The following DDX51 variants were observed in gnomAD, a reference collection of about 807,000 sequenced individuals.
DDX51 encodes the protein DEAD-box helicase 51, also known as ATP-dependent RNA helicase DDX51.
A neutral mutation model predicts 74.6 loss-of-function variants in DDX51; 67 were observed. The observed-to-expected ratio is 0.90, with a 90% confidence interval of 0.74 to 1.10. DDX51 has a LOEUF of 1.10. Among genes scored for constraint, DDX51 ranks in the 50% least tolerant of loss-of-function variants. The pLI is 0.00. For synonymous variants in DDX51, 545 were observed against 402.9 expected (o/e 1.35, Z -4.22); for missense variants, 1,056 against 905.2 (o/e 1.17, Z -2.14).
rs1242782541 is a variant in DDX51 at position 132,137,330 on chromosome 12, C to G, written c.*1942G>C. The G allele has an allele frequency of 6.9e-6, 1 of 144,740 alleles. No homozygotes were observed. Among genetic ancestry groups the G allele is most frequent in the Non-Finnish European group, 1.6e-5 (1 of 62,994 alleles). The allele number at this position is 144,740 out of a possible 1,614,324, so 9.0% of individuals were successfully genotyped here. A position where few individuals can be genotyped will look rare whatever the true frequency, so the allele number is the denominator to read the frequency against. On this transcript the variant is annotated 3_prime_UTR_variant, in exon 15 of 15. Transcript: ENST00000397333. Reference sequence around the variant, plus strand: ...CCCGAGCTGTCTCATCTGTGATTCACAGTCTGCTCTTTCTGGCTGCTTGTC... The same window carrying G: ...CCCGAGCTGTCTCATCTGTGATTCAGAGTCTGCTCTTTCTGGCTGCTTGTC...
chr12:132,139,998 C>A, intron 12 of DDX51, 74 bp from the exon 13 acceptor site: 1 of 1,608,596 alleles, frequency 6.2e-7, no homozygotes, highest in Non-Finnish European at 8.5e-7. Flanking sequence ...AGCTTCTCTC[C>A]ACACCAACCC....
At position 132,140,118 on chromosome 12, in the gene DDX51, G is replaced by A; in HGVS notation, c.1755C>T (p.Tyr585=). Residue 585 remains tyrosine, a synonymous_variant, in exon 12 of 15, where the codon TAC becomes TAT. Coordinates refer to ENST00000397333, the MANE Select transcript of DDX51 (RefSeq NM_175066.4). ...CTCACCGGTGCACGTAGGTTCTCAG[G>A]TACTGGGGGGCGTCGTAGTTCACCA... is the stretch of plus-strand genomic sequence containing the variant. ...ELVVNYDAPQ[Y]LRTYVHRVGR... 6.2e-7 allele frequency: 1 copy of A among 1,612,864 alleles called. No individual in the cohort carries two copies. Among genetic ancestry groups the A allele is most frequent in the Non-Finnish European group, 8.5e-7 (1 of 1,179,976 alleles).
Position 132,142,158 on chromosome 12 carries a change from A to T in DDX51, c.849T>A (p.Arg283=). The change falls in exon 5 of 15, where the codon CGT becomes CGA. Residue 283 remains arginine, a synonymous_variant. Transcript: ENST00000397333. Reference sequence around the variant, plus strand: ...CCTTGGTGGGCAGCACAACCAGGGCACGGATGTGGCAGACCACTCTCGAAA... The same window carrying T: ...CCTTGGTGGGCAGCACAACCAGGGCTCGGATGTGGCAGACCACTCTCGAAA... ...ALLSRVVCHI[R]ALVVLPTKEL... 6.4e-7 allele frequency: 1 copy of T among 1,552,768 alleles called. No homozygotes were observed.
At chr12:132,142,220 A>G (rs1347799363) in intron 4 of DDX51, 30 bp from the exon 5 acceptor site, 1 of 1,589,360 alleles carries the variant, frequency 6.3e-7, no homozygotes, top group East Asian at 2.2e-5. Flanking sequence ...TGCGTCAGCA[A>G]GGCTGTTACC....
At chr12:132,143,670 C>G in intron 2 of DDX51, 25 bp downstream of exon 2, 1 of 1,536,508 alleles carries the variant, frequency 6.5e-7, no homozygotes, top group Non-Finnish European at 8.7e-7. Context: ...TCACGCCGAC[C>G]ACCCTCCCGC....
At position 132,141,320 on chromosome 12, in the gene DDX51, C is replaced by T. The variant is rs1356624554; in HGVS notation, c.1205G>A (p.Cys402Tyr). ...GGCCTGCCTTCGCTGGAGCAGGGCA[C>T]AGGGGTCCGCGGGGTCCTCGCTCTG... ...AFQSEDPADPCALLQRRQAQA... is the reference protein window; with the variant it reads ...AFQSEDPADPYALLQRRQAQA... Residue 402 changes from cysteine to tyrosine, a missense_variant, in exon 8 of 15, where the codon TGT becomes TAT. By Grantham distance (194) the Cys-to-Tyr change is radical. Transcript: ENST00000397333. 2 of 1,598,812 alleles carry T rather than the reference C, an allele frequency of 1.3e-6. No homozygotes were observed. The highest frequency in any genetic ancestry group is 2.2e-5 in the East Asian group (1 of 44,878).
chr12:132,139,995 C>A, intron 12 of DDX51, 71 bp from the exon 13 acceptor site: 1 of 1,609,476 alleles, frequency 6.2e-7, no homozygotes, highest in Admixed American at 1.7e-5. Flanking sequence ...GACAGCTTCT[C>A]TCCACACCAA....
At chr12:132,141,117 C>T in intron 8 of DDX51, 97 bp from the exon 9 acceptor site, 1 of 1,503,764 alleles carries the variant, frequency 6.6e-7, no homozygotes, top group Admixed American at 2.2e-5. Context: ...GAGACTGCCG[C>T]AGACCAGGAG....
chr12:132,141,544 TG>T lies in DDX51; in HGVS notation c.1057del (p.His353ThrfsTer16). ...GCTGAATCCTGGGGTCTGGTCGATG[TG>T]GTCCACCAGGCGGCCGGGGGTGGCT... ...VVATPGRLVDHIDQTPGFSLQ... is the reference protein window; with the variant it reads ...VVATPGRLVDXIDQTPGFSLQ... On this transcript the variant is annotated frameshift_variant, in exon 7 of 15. Coordinates refer to ENST00000397333, the MANE Select transcript of DDX51 (RefSeq NM_175066.4). LOFTEE classifies it high-confidence loss of function. 1.2e-6 allele frequency: 2 copies of T among 1,604,552 alleles called. No homozygotes were observed. Among genetic ancestry groups the T allele is most frequent in the Non-Finnish European group, 1.7e-6 (2 of 1,177,798 alleles).
rs1763359517 is a variant in DDX51 at position 132,138,121 on chromosome 12, G to A, written c.*1151C>T. 1.3e-5 allele frequency: 2 copies of A among 152,360 alleles called. No individual in the cohort carries two copies. Among genetic ancestry groups the A allele is most frequent in the Admixed American group, 1.3e-4 (2 of 15,290 alleles). The allele number at this position is 152,360 out of a possible 1,614,324, so 9.4% of individuals were successfully genotyped here. A position where few individuals can be genotyped will look rare whatever the true frequency, so the allele number is the denominator to read the frequency against. On this transcript the variant is annotated 3_prime_UTR_variant, in exon 15 of 15. Coordinates refer to ENST00000397333, the MANE Select transcript of DDX51 (RefSeq NM_175066.4). Reference sequence around the variant, plus strand: ...GCTACTGTGAACAGTGCTGCTGAGAGATTTGTGTACGTTTCTGTGTGGATG... The same window carrying A: ...GCTACTGTGAACAGTGCTGCTGAGAAATTTGTGTACGTTTCTGTGTGGATG...
In DDX51 at chr12:132,141,293, T is replaced by G; in HGVS notation, c.1232A>C (p.Gln411Pro). The G allele has an allele frequency of 6.3e-7, 1 of 1,596,126 alleles. No homozygotes were observed. The highest frequency in any genetic ancestry group is 1.3e-5 in the African/African-American group (1 of 74,954). ...TGGATACCTGGCGGCTGTCACAGCC[T>G]GGGCCTGCCTTCGCTGGAGCAGGGC... ...PCALLQRRQA[Q>P]AVTAASTCCP... Residue 411 changes from glutamine to proline, a missense_variant, in exon 8 of 15, where the codon CAG (glutamine) becomes CCG (proline). Gln to Pro is a moderately conservative substitution (Grantham distance 76, BLOSUM62 -1). Coordinates refer to ENST00000397333, the MANE Select transcript of DDX51 (RefSeq NM_175066.4).
In DDX51 at chr12:132,140,748, C is replaced by A; in HGVS notation, c.1441-13G>T. 1.2e-6 allele frequency: 2 copies of A among 1,613,020 alleles called. No individual in the cohort carries two copies. Among genetic ancestry groups the A allele is most frequent in the Non-Finnish European group, 1.7e-6 (2 of 1,180,002 alleles). ...GCACGTAGTGGTGCTACAGGGACGG[C>A]AGGGGGTCGGGGTGGAGGTGAGGGT... On this transcript the variant is annotated splice_polypyrimidine_tract_variant and intron_variant, in intron 9 of 14. Coordinates refer to ENST00000397333, the MANE Select transcript of DDX51 (RefSeq NM_175066.4).
rs776019599 is a variant in DDX51, at chr12:132,139,626, T to C, written c.1974+9A>G. The C allele has an allele frequency of 6.2e-7, 1 of 1,613,120 alleles. No homozygotes were observed. The highest frequency in any genetic ancestry group is 1.1e-5 in the South Asian group (1 of 91,092). ...CAGAGGGTTTCATGCCGGACTCTGG[T>C]GCCCTTACCTTGACAGACTCCTCCA... On this transcript the variant is annotated intron_variant, in intron 14 of 14. Coordinates refer to ENST00000397333, the MANE Select transcript of DDX51 (RefSeq NM_175066.4).
At position 132,144,165 on chromosome 12, in the gene DDX51, T is replaced by G. The variant is rs1186486562; in HGVS notation, c.132A>C (p.Glu44Asp). The G allele has an allele frequency of 8.5e-7, 1 of 1,176,478 alleles. No individual in the cohort carries two copies. The highest frequency in any genetic ancestry group is 1.6e-5 in the African/African-American group (1 of 62,022). The allele number at this position is 1,176,478 out of a possible 1,614,324, so 72.9% of individuals were successfully genotyped here. Residue 44 changes from glutamate to aspartate, a missense_variant, in exon 1 of 15, where the codon GAA (glutamate) becomes GAC (aspartate). Glu to Asp is a conservative substitution (Grantham distance 45). Coordinates refer to ENST00000397333, the MANE Select transcript of DDX51 (RefSeq NM_175066.4). The part of the protein sequence containing the change: ...LLERLQSRAR[E>D]RQQQREPAQT... ...GCGCGGGCTCCCGCTGCTGCTGCCG[T>G]TCGCGGGCCCGGCTCTGCAGCCGCT...
At chr12:132,141,125 G>A (rs1421404287) in intron 8 of DDX51, 105 bp from the exon 9 acceptor site, 12 of 1,498,416 alleles carry the variant, frequency 8.0e-6, no homozygotes, top group East Asian at 6.8e-5. Flanking sequence ...CGCAGACCAG[G>A]AGCAAGGTGG....
In DDX51 at chr12:132,138,507, A is replaced by G. The variant is rs1158416513; in HGVS notation, c.*765T>C. ...GTTTTTTTTTTTTTTTTGTATTTTT[A>G]GTAGAGACGGGGTTTCACCATGTTA... On this transcript the variant is annotated 3_prime_UTR_variant, in exon 15 of 15. Transcript: ENST00000397333. The G allele has an allele frequency of 2.8e-5, 3 of 105,650 alleles. No homozygotes were observed. Among genetic ancestry groups the G allele is most frequent in the African/African-American group, 1.0e-4 (3 of 29,236 alleles). 6.5% of individuals were successfully genotyped at this position (105,650 alleles called of 1,614,324 possible).
rs751994361 is a variant in DDX51, at chr12:132,140,605, C to G, written c.1556+15G>C. 6.2e-7 allele frequency: 1 copy of G among 1,612,748 alleles called. No individual in the cohort carries two copies. The highest frequency in any genetic ancestry group is 1.7e-5 in the Admixed American group (1 of 60,032). On this transcript the variant is annotated intron_variant, in intron 10 of 14. Coordinates refer to ENST00000397333, the MANE Select transcript of DDX51 (RefSeq NM_175066.4). ...AGAGGCCACCTCTGCCACCCCCGCCCAGCCGGGGCCTCACCTGTGGGAGTT... is the reference window on the plus strand; with the variant it reads ...AGAGGCCACCTCTGCCACCCCCGCCGAGCCGGGGCCTCACCTGTGGGAGTT...
In DDX51 at chr12:132,140,187, C is replaced by T. The variant is rs772345507; in HGVS notation, c.1686G>A (p.Thr562=). Residue 562 remains threonine (T), a synonymous_variant, in exon 12 of 15, where the codon ACG becomes ACA. Transcript: ENST00000397333. The stretch of plus-strand genomic sequence containing the variant: ...CGTCGATGCCTCGCGCGGTGGCGTC[C>T]GTGCTGATGAGCCTGCCGGGACACG... ...EQGKIQLLIS[T]DATARGIDVQ... 59 of 1,612,424 alleles carry T rather than the reference C, an allele frequency of 3.7e-5. No individual in the cohort carries two copies. Among genetic ancestry groups the T allele is most frequent in the South Asian group, 2.5e-4 (23 of 91,052 alleles).
rs749479898 is a variant in DDX51 at position 132,140,977 on chromosome 12, C to G, written c.1294G>C (p.Ala432Pro). The change falls in exon 9 of 15, where the codon GCT becomes CCT. Residue 432 changes from alanine to proline, a missense_variant. Ala to Pro is a conservative substitution (Grantham distance 27). Transcript: ENST00000397333. ...TTTTCAGGGTTCTGGGTCAGAGTAG[C>G]TGAGAAGAGCAGCTTCTGCAGGGGC... ...QMPLQKLLFS[A>P]TLTQNPEKLQ... 2 of 1,608,408 alleles carry G rather than the reference C, an allele frequency of 1.2e-6. No individual in the cohort carries two copies. The highest frequency in any genetic ancestry group is 1.7e-6 in the Non-Finnish European group (2 of 1,178,518).
Sources: gnomAD v4.1 joint callset for allele counts on GRCh38, gnomAD v4.1.1 for gene constraint, MANE v1.5 for transcripts, NCBI Gene and HGNC (gene_info 2026-07-23, HGNC 2026-07-21) for gene names.